Variants in PLB1 observed in about 807,000 individuals in gnomAD.
The protein encoded by PLB1 is phospholipase B1, membrane-associated.
A neutral mutation model predicts 227.4 loss-of-function variants in PLB1; 242 were observed. The ratio of observed to expected loss-of-function variants is 1.06; its 90% CI spans 0.96 to 1.18. PLB1 has a LOEUF of 1.18. Among genes scored for constraint, PLB1 ranks in the 50% most tolerant of loss-of-function variants. The probability of loss-of-function intolerance (pLI) is 0.00; values close to 1 mark genes in which losing one functional copy is unlikely to be tolerated. For synonymous variants in PLB1, 757 were observed against 682.2 expected, an observed-to-expected ratio of 1.11 and a Z score of -1.71; for missense variants, 1,858 against 1,816.3, an observed-to-expected ratio of 1.02 and a Z score of -0.42.
intron 9 of PLB1, among the ~76,000 whole-genome samples, chr2:28,532,492 A>G (rs1671153471): frequency 6.6e-6 from 1 of 152,214 alleles, no homozygotes; most frequent in African/African-American, 2.4e-5. Context: ...TTTTAAGTGT[A>G]CAGTTCAGTG....
Position 28,638,059 on chromosome 2 carries a change from A to G in PLB1, c.4099-2868A>G, listed in dbSNP as rs971799217. On this transcript the variant is annotated intron_variant, in intron 56 of 57. Coordinates refer to ENST00000327757, the MANE Select transcript of PLB1 (RefSeq NM_153021.5). ...ATCAAACAAGTATTTACTGAGCACT[A>G]ATATGTGCTAGGTACTGCTCCAGGT... Among the ~76,000 whole-genome samples the G allele has an allele frequency of 3.3e-5, 5 of 152,200 alleles. 1 individual carries two copies. The highest frequency in any genetic ancestry group is 1.2e-4 in the African/African-American group (5 of 41,522).
At chr2:28,593,947 C>CTTTTTTTTTTTTTTTTTTTTT (rs386389801) in intron 33 of PLB1, 193 bp downstream of exon 33, 1 of 532,284 alleles carries the variant, frequency 1.9e-6, no homozygotes. Context: ...TGTTGATAAT[C>CTTTTTTTTTTTTTTTTTTTTT]TTTTTTTTTT....
At chr2:28,509,673 T>C (rs2148165043) in intron 1 of PLB1, among the ~76,000 whole-genome samples, 1 of 152,318 alleles carries the variant, frequency 6.6e-6, no homozygotes, top group African/African-American at 2.4e-5. Flanking sequence ...CTTGTTTTTT[T>C]CCCCTGACTG....
chr2:28,555,833 G>GT (rs1360102063), intron 17 of PLB1, among the ~76,000 whole-genome samples: 2 of 134,360 alleles, frequency 1.5e-5, no homozygotes, highest in Non-Finnish European at 3.3e-5. Context: ...TACAATAACT[G>GT]TTTTGCATTT....
intron 6 of PLB1, among the ~76,000 whole-genome samples, chr2:28,526,917 C>T (rs1156361393): frequency 6.6e-6 from 1 of 152,166 alleles, no homozygotes; most frequent in East Asian, 1.9e-4. Flanking sequence ...CAGTTCAGCC[C>T]TCCTGGATCT....
chr2:28,532,299 A>T, intron 9 of PLB1, 105 bp downstream of exon 9: 1 of 790,902 alleles, frequency 1.3e-6, no homozygotes, highest in Non-Finnish European at 2.0e-6. Flanking sequence ...GATGGGGCTA[A>T]TGCCACCTAT....
At chr2:28,547,193 C>A (rs72789759) in intron 14 of PLB1, among the ~76,000 whole-genome samples, 1 of 133,738 alleles carries the variant, frequency 7.5e-6, no homozygotes, top group African/African-American at 2.9e-5. Context: ...GAGAATGAGA[C>A]CCTGTCTCCA....
At chr2:28,597,873 G>A in intron 33 of PLB1, 132 bp from the exon 34 acceptor site, 1 of 833,864 alleles carries the variant, frequency 1.2e-6, no homozygotes, top group Non-Finnish European at 2.0e-6. Flanking sequence ...CAAACTCAGA[G>A]ATGGGTCTGG....
intron 8 of PLB1, among the ~76,000 whole-genome samples, chr2:28,530,780 G>A (rs1225688904): frequency 4.6e-5 from 7 of 152,242 alleles, no homozygotes; most frequent in South Asian, 2.1e-4. Flanking sequence ...GCATTAAAGC[G>A]TTCAGGAAGT....
chr2:28,538,143 T>C (rs750518393), intron 9 of PLB1, 176 bp from the exon 10 acceptor site: 1 of 792,772 alleles, frequency 1.3e-6, no homozygotes, highest in African/African-American at 1.7e-5. Context: ...AAGAACAAAA[T>C]GAAGACAAAA....
At chr2:28,535,419 T>G (rs1671553786) in intron 9 of PLB1, among the ~76,000 whole-genome samples, 1 of 152,254 alleles carries the variant, frequency 6.6e-6, no homozygotes, top group African/African-American at 2.4e-5. Flanking sequence ...CTGGCTCCTT[T>G]GGCCTCCTGG....
intron 21 of PLB1, 36 bp downstream of exon 21, chr2:28,573,341 G>T (rs1213540428): frequency 2.7e-6 from 4 of 1,496,028 alleles, no homozygotes; most frequent in Admixed American, 1.7e-5. Flanking sequence ...AACAGCACAG[G>T]TCCTCTGAGG....
chr2:28,561,207 A>G (rs1381507479), intron 17 of PLB1, among the ~76,000 whole-genome samples: 1 of 152,160 alleles, frequency 6.6e-6, no homozygotes, highest in East Asian at 1.9e-4. Context: ...TTTTGAGGGC[A>G]TTCTCTGTTT....
intron 20 of PLB1, among the ~76,000 whole-genome samples, chr2:28,568,303 C>A (rs192160104): frequency 1.3e-5 from 2 of 152,282 alleles, no homozygotes; most frequent in East Asian, 3.9e-4. Flanking sequence ...TTCCCATGCT[C>A]GTATTATGGA....
At chr2:28,574,951 A>G (rs1386808142) in intron 21 of PLB1, among the ~76,000 whole-genome samples, 2 of 152,138 alleles carry the variant, frequency 1.3e-5, no homozygotes, top group African/African-American at 4.8e-5. Context: ...TATCTTTGCA[A>G]TTGCAAATTG....
At chr2:28,539,207 A>C (rs1234951099) in intron 11 of PLB1, 29 bp downstream of exon 11, 1 of 1,577,932 alleles carries the variant, frequency 6.3e-7, no homozygotes, top group African/African-American at 1.3e-5. Flanking sequence ...TGAGACACGC[A>C]TCTGTGACAC....
At chr2:28,616,750 A>AT (rs761007270) in intron 44 of PLB1, among the ~76,000 whole-genome samples, 1 of 152,264 alleles carries the variant, frequency 6.6e-6, no homozygotes, top group Non-Finnish European at 1.5e-5. Flanking sequence ...ATCCATCAGA[A>AT]TGATGAATTG....
chr2:28,613,792 C>A (rs1172017538), intron 43 of PLB1, among the ~76,000 whole-genome samples: 1 of 152,200 alleles, frequency 6.6e-6, no homozygotes, highest in African/African-American at 2.4e-5. Context: ...AAAGCACAGA[C>A]CCCAGACTAC....
At chr2:28,630,258 A>C (rs1688412751) in intron 53 of PLB1, among the ~76,000 whole-genome samples, 1 of 152,158 alleles carries the variant, frequency 6.6e-6, no homozygotes, top group Admixed American at 6.5e-5. Flanking sequence ...GCTCTGGAGA[A>C]ATCCCAGGGA....
Sources: gnomAD v4.1 joint callset for allele counts (sites outside exome capture counted in the v4.1 genomes callset) on GRCh38, gnomAD v4.1.1 for gene constraint, MANE v1.5 for transcripts, NCBI Gene and HGNC (gene_info 2026-07-23, HGNC 2026-07-21) for gene names.